FAXC: variants seen among roughly 807,000 people sequenced by gnomAD.
FAXC encodes failed axon connections homolog.
FAXC carries 10 observed loss-of-function variants against 41.9 expected under a neutral mutation model. The ratio of observed to expected loss-of-function variants is 0.24; its 90% CI spans 0.15 to 0.41. The LOEUF is 0.41. Among genes scored for constraint, FAXC ranks in the 10% least tolerant of loss-of-function variants. The pLI is 1.00. For synonymous variants in FAXC, 183 were observed against 183.8 expected (o/e 1.00, Z 0.03); for missense variants, 399 against 510.9 (o/e 0.78, Z 2.11).
intron 4 of FAXC, among the ~76,000 whole-genome samples, chr6:99,300,027 A>T (rs1026297148): frequency 5.3e-5 from 8 of 152,178 alleles, no homozygotes; most frequent in Admixed American, 5.2e-4. Context: ...TTTTAATAAG[A>T]TTTTCTGAAA....
At chr6:99,301,259 G>C (rs1312966908) in intron 4 of FAXC, among the ~76,000 whole-genome samples, 2 of 152,178 alleles carry the variant, frequency 1.3e-5, no homozygotes, top group African/African-American at 4.8e-5. Context: ...CAGTATGCTG[G>C]ACATCATGTC....
At chr6:99,318,260 AACACACACACACAC>A (rs71021723) in intron 4 of FAXC, among the ~76,000 whole-genome samples, 2 of 64,774 alleles carry the variant, frequency 3.1e-5, no homozygotes, top group Non-Finnish European at 6.5e-5. Flanking sequence ...CTCCGTCTCA[AACACACACACACAC>A]ACACACACAC....
intron 4 of FAXC, among the ~76,000 whole-genome samples, chr6:99,321,329 AT>A (rs1470628368): frequency 6.6e-6 from 1 of 152,208 alleles, no homozygotes; most frequent in Non-Finnish European, 1.5e-5. Context: ...ACAAAAAGTA[AT>A]TTTGGATTTT....
In FAXC at chr6:99,278,395, G is replaced by A. The variant is rs749135500; in HGVS notation, c.*2769C>T. 1 of 152,152 alleles carries A rather than the reference G, an allele frequency of 6.6e-6. No homozygotes were observed. Among genetic ancestry groups the A allele is most frequent in the African/African-American group, 2.4e-5 (1 of 41,436 alleles). The allele number at this position is 152,152 out of a possible 1,614,324, so 9.4% of individuals were successfully genotyped here. On this transcript the variant is annotated 3_prime_UTR_variant, in exon 6 of 6. Coordinates refer to ENST00000389677, the MANE Select transcript of FAXC (RefSeq NM_032511.4). Reference sequence around the variant, plus strand: ...CTATGGGTCTGTTGTCCAACCAAAAGCATCTGTTAACATTAAAGATCACAT... The same window carrying A: ...CTATGGGTCTGTTGTCCAACCAAAAACATCTGTTAACATTAAAGATCACAT...
intron 4 of FAXC, among the ~76,000 whole-genome samples, chr6:99,297,668 T>A (rs1223463522): frequency 1.3e-5 from 2 of 152,192 alleles, no homozygotes; most frequent in Non-Finnish European, 2.9e-5. Context: ...CAGTGTGTGA[T>A]GCTCTCCAGA....
intron 2 of FAXC, among the ~76,000 whole-genome samples, chr6:99,333,901 C>T (rs1272500959): frequency 6.6e-6 from 1 of 152,102 alleles, no homozygotes; most frequent in Non-Finnish European, 1.5e-5. Context: ...AATGTACAAA[C>T]AATTCAAAAA....
chr6:99,337,646 C>A (rs1199491781), intron 2 of FAXC, among the ~76,000 whole-genome samples: 2 of 152,102 alleles, frequency 1.3e-5, no homozygotes, highest in Non-Finnish European at 2.9e-5. Flanking sequence ...AAAAAATTAA[C>A]CACATCCCCA....
At chr6:99,281,588 A>G (rs557782951) in intron 5 of FAXC, 135 bp from the exon 6 acceptor site, 1 of 716,122 alleles carries the variant, frequency 1.4e-6, no homozygotes, top group Non-Finnish European at 2.3e-6. Flanking sequence ...TGGGGCCTTT[A>G]AGAGGTGGTT....
chr6:99,291,913 T>A, intron 4 of FAXC, 93 bp from the exon 5 acceptor site: 1 of 915,376 alleles, frequency 1.1e-6, no homozygotes, highest in Non-Finnish European at 1.8e-6. Context: ...CATATTCCTT[T>A]ACTGATACCA....
At chr6:99,293,970 A>G (rs898398142) in intron 4 of FAXC, among the ~76,000 whole-genome samples, 24 of 152,098 alleles carry the variant, frequency 1.6e-4, no homozygotes, top group African/African-American at 5.1e-4. Flanking sequence ...TGGGAACACA[A>G]GGTAACAACT....
intron 4 of FAXC, among the ~76,000 whole-genome samples, chr6:99,295,228 C>T (rs972304716): frequency 6.6e-6 from 1 of 152,190 alleles, no homozygotes; most frequent in Non-Finnish European, 1.5e-5. Context: ...TGTGTACACA[C>T]ATACAGGACA....
At chr6:99,348,516 A>G (rs1415699734) in intron 1 of FAXC, among the ~76,000 whole-genome samples, 13 of 152,152 alleles carry the variant, frequency 8.5e-5, no homozygotes, top group Non-Finnish European at 1.6e-4. Flanking sequence ...TCACACAACA[A>G]TGACATCTAA....
chr6:99,317,624 T>C (rs540084311), intron 4 of FAXC, among the ~76,000 whole-genome samples: 3 of 152,330 alleles, frequency 2.0e-5, no homozygotes, highest in Admixed American at 6.5e-5. Context: ...GGTTGTGTGA[T>C]TGTTGGCAAG....
At chr6:99,344,842 C>G (rs569157560) in intron 1 of FAXC, among the ~76,000 whole-genome samples, 1 of 152,260 alleles carries the variant, frequency 6.6e-6, no homozygotes, top group African/African-American at 2.4e-5. Flanking sequence ...AACAAAAAAT[C>G]CCTGCTCCAT....
At chr6:99,292,464 C>G (rs1435631070) in intron 4 of FAXC, among the ~76,000 whole-genome samples, 1 of 152,226 alleles carries the variant, frequency 6.6e-6, no homozygotes, top group African/African-American at 2.4e-5. Flanking sequence ...CCATTTCACA[C>G]TACTGACTTC....
rs150912501 is a variant in FAXC at position 99,328,593 on chromosome 6, T to A, written c.599+4758A>T. Among the ~76,000 whole-genome samples the A allele has an allele frequency of 3.6e-3, 555 of 152,322 alleles. 3 individuals carry two copies. Among genetic ancestry groups the A allele is most frequent in the African/African-American group, 0.013 (536 of 41,568 alleles). ...AAATGCCTCCTTCTTGCCTCTAAAC[T>A]TGTGCAGATGTTGCTCCCTCTGCCT... is the stretch of plus-strand genomic sequence containing the variant. On this transcript the variant is annotated intron_variant, in intron 3 of 5. Coordinates refer to ENST00000389677, the MANE Select transcript of FAXC (RefSeq NM_032511.4).
At chr6:99,321,830 C>T (rs1466424674) in intron 4 of FAXC, among the ~76,000 whole-genome samples, 1 of 152,202 alleles carries the variant, frequency 6.6e-6, no homozygotes, top group Non-Finnish European at 1.5e-5. Context: ...GTGAAGGTCG[C>T]CCCTCTCTGG....
intron 2 of FAXC, among the ~76,000 whole-genome samples, chr6:99,335,206 T>C (rs1170530299): frequency 6.6e-6 from 1 of 152,244 alleles, no homozygotes; most frequent in Non-Finnish European, 1.5e-5. Context: ...GTTACATGTT[T>C]ATCTTGACTA....
At chr6:99,311,688 T>A (rs935038576) in intron 4 of FAXC, among the ~76,000 whole-genome samples, 1 of 152,154 alleles carries the variant, frequency 6.6e-6, no homozygotes, top group African/African-American at 2.4e-5. Context: ...AGACCCCTCC[T>A]CAGCTATCAT....
Sources: allele counts gnomAD v4.1 joint callset (sites outside exome capture counted in the v4.1 genomes callset), GRCh38; gene constraint gnomAD v4.1.1; transcripts MANE v1.5; gene names NCBI Gene and HGNC (gene_info 2026-07-23, HGNC 2026-07-21).